XDH: variants seen among roughly 807,000 people sequenced by gnomAD.
XDH encodes xanthine dehydrogenase.
In XDH, 138 loss-of-function variants were observed where a neutral mutation model predicts 156.1. The ratio of observed to expected loss-of-function variants is 0.88; its 90% CI spans 0.77 to 1.02. The LOEUF is 1.02. XDH is among the 50% of genes least tolerant of loss of function. The probability of loss-of-function intolerance (pLI) is 0.00; values close to 1 mark genes in which losing one functional copy is unlikely to be tolerated. For missense variants in XDH, 1,849 were observed against 1,684.9 expected (o/e 1.10, Z -1.71); for synonymous variants, 669 against 625.7 (o/e 1.07, Z -1.03).
At position 31,335,840 on chromosome 2, in the gene XDH, T is replaced by G. The variant is rs543224489; in HGVS notation, c.*118A>C. 3 of 1,217,906 alleles carry G rather than the reference T, an allele frequency of 2.5e-6. No individual in the cohort carries two copies. The highest frequency in any genetic ancestry group is 2.5e-5 in the South Asian group (2 of 81,228). 75.4% of individuals were successfully genotyped at this position (1,217,906 alleles called of 1,614,324 possible). ...TTCACTTGTCTTCCAAATCCCATCT[T>G]GACAAATCACAGGTCTGTCATTCTG... On this transcript the variant is annotated 3_prime_UTR_variant, in exon 36 of 36. Coordinates refer to ENST00000379416, the MANE Select transcript of XDH (RefSeq NM_000379.4).
intron 24 of XDH, among the ~76,000 whole-genome samples, chr2:31,361,288 G>C (rs1246108428): frequency 1.3e-5 from 2 of 152,182 alleles, no homozygotes; most frequent in African/African-American, 4.8e-5. Context: ...TCTCAAAACT[G>C]TTCTATCAAA....
chr2:31,379,334 G>A (rs920846433), intron 13 of XDH, among the ~76,000 whole-genome samples: 2 of 152,196 alleles, frequency 1.3e-5, no homozygotes, highest in Admixed American at 1.3e-4. Context: ...CCTAAGGTCA[G>A]CGTATGAGGG....
rs545686434 is a variant in XDH at position 31,347,654 on chromosome 2, C to G, written c.3148-4G>C. On this transcript the variant is annotated splice_region_variant and splice_polypyrimidine_tract_variant and intron_variant, in intron 28 of 35. Transcript: ENST00000379416. ...TTTTCAGAGCTCTACTGGCCACCTG[C>G]GAAAAGAGAAGACATTGCCCTCTAG... is the stretch of plus-strand genomic sequence containing the variant. 2.5e-6 allele frequency: 4 copies of G among 1,613,172 alleles called. No homozygotes were observed. The Admixed American group carries it at 5.0e-5, about 20-fold the overall frequency.
chr2:31,348,457 C>G (rs954631095), intron 27 of XDH, 94 bp from the exon 28 acceptor site: 38 of 1,207,616 alleles, frequency 3.1e-5, no homozygotes, highest in South Asian at 2.1e-4. Flanking sequence ...AACAAGAGAA[C>G]CAGCAGCATT....
chr2:31,385,642 C>A (rs920728246), intron 9 of XDH, among the ~76,000 whole-genome samples: 1 of 152,196 alleles, frequency 6.6e-6, no homozygotes, highest in African/African-American at 2.4e-5. Context: ...GTTTAGAAAT[C>A]GACAGAGATT....
At chr2:31,406,295 G>C in intron 1 of XDH, among the ~76,000 whole-genome samples, 1 of 152,134 alleles carries the variant, frequency 6.6e-6, no homozygotes, top group East Asian at 1.9e-4. Context: ...GCCATGTGAT[G>C]TGCCTGCTCC....
intron 24 of XDH, among the ~76,000 whole-genome samples, chr2:31,353,067 T>G (rs1052123980): frequency 6.6e-6 from 1 of 151,454 alleles, no homozygotes; most frequent in African/African-American, 2.4e-5. Context: ...CATACGTAAC[T>G]ACTATGGTTA....
intron 26 of XDH, 80 bp from the exon 27 acceptor site, chr2:31,349,060 C>T: frequency 7.2e-7 from 1 of 1,386,218 alleles, no homozygotes; most frequent in South Asian, 1.2e-5. Context: ...CACATCAAAA[C>T]AGGACATCCT....
At chr2:31,350,291 C>A (rs950085675) in intron 24 of XDH, 68 bp from the exon 25 acceptor site, 5 of 1,493,646 alleles carry the variant, frequency 3.3e-6, no homozygotes, top group Non-Finnish European at 4.6e-6. Flanking sequence ...AAAGTAGGAA[C>A]TTTGAGGGCT....
intron 15 of XDH, among the ~76,000 whole-genome samples, chr2:31,374,705 T>C (rs1282745584): frequency 2.6e-5 from 4 of 152,204 alleles, no homozygotes; most frequent in Non-Finnish European, 4.4e-5. Context: ...CTCTCCACTT[T>C]GGGCTCCCTC....
intron 17 of XDH, among the ~76,000 whole-genome samples, chr2:31,371,730 G>A (rs1471647295): frequency 6.6e-6 from 1 of 151,968 alleles, no homozygotes; most frequent in African/African-American, 2.4e-5. Context: ...TTTCAGCTGT[G>A]CCTGGTTCAC....
intron 18 of XDH, among the ~76,000 whole-genome samples, chr2:31,369,423 A>T (rs1686009578): frequency 6.6e-6 from 1 of 152,256 alleles, no homozygotes; most frequent in Non-Finnish European, 1.5e-5. Flanking sequence ...GTCATCCAAC[A>T]TCCCCGAAAA....
chr2:31,403,176 C>T (rs752276106), intron 2 of XDH, 32 bp from the exon 3 acceptor site: 1 of 1,610,976 alleles, frequency 6.2e-7, no homozygotes, highest in Admixed American at 1.7e-5. Flanking sequence ...AGAATGAACT[C>T]AGGGAGAGGA....
intron 32 of XDH, 33 bp from the exon 33 acceptor site, chr2:31,341,427 A>G (rs1173874867): frequency 1.3e-6 from 2 of 1,553,312 alleles, no homozygotes; most frequent in Non-Finnish European, 8.7e-7. Context: ...AAGAAGTTAG[A>G]GGAGGAAAAG....
intron 11 of XDH, among the ~76,000 whole-genome samples, chr2:31,382,753 C>T (rs1686472620): frequency 6.6e-6 from 1 of 152,142 alleles, no homozygotes; most frequent in South Asian, 2.1e-4. Context: ...GAGTGCATTT[C>T]CCAGGGTGCC....
chr2:31,348,147 A>G, intron 28 of XDH, 121 bp downstream of exon 28: 1 of 992,102 alleles, frequency 1.0e-6, no homozygotes, highest in Non-Finnish European at 1.6e-6. Context: ...CTACACGGAC[A>G]TAAGCAACAG....
rs780681212 is a variant in XDH at position 31,349,764 on chromosome 2, G to GT, written c.2890dup (p.Thr964AsnfsTer21). 7 of 1,614,168 alleles carry GT rather than the reference G, an allele frequency of 4.3e-6. No individual in the cohort carries two copies. The Admixed American group carries it at 1.2e-4, about 27-fold the overall frequency. On this transcript the variant is annotated frameshift_variant, in exon 26 of 36. Coordinates refer to ENST00000379416, the MANE Select transcript of XDH (RefSeq NM_000379.4). LOFTEE classifies it high-confidence loss of function. ...GCATTCTTCCCAGCATCTGGGCAAG[G>GT]TGAAACCCTCAAGCTTCTGGTTGAA...
Position 31,358,518 on chromosome 2 carries a change from A to C in XDH, c.2631+5640T>G, listed in dbSNP as rs139544817. ...ATATGGATCCAAAAATCCTTAACAA[A>C]TTTTAGCAAATAAAATTTGGCAATA... On this transcript the variant is annotated intron_variant, in intron 24 of 35. Transcript: ENST00000379416. Among the ~76,000 whole-genome samples, 1,068 of 152,262 alleles carry C rather than the reference A, an allele frequency of 7.0e-3. 12 individuals carry two copies. The highest frequency in any genetic ancestry group is 0.025 in the African/African-American group (1,030 of 41,558).
At chr2:31,361,574 T>C (rs1334247308) in intron 24 of XDH, among the ~76,000 whole-genome samples, 1 of 152,056 alleles carries the variant, frequency 6.6e-6, no homozygotes, top group Non-Finnish European at 1.5e-5. Flanking sequence ...ATCTAAAACC[T>C]CTCTATCCCA....
Sources: gnomAD v4.1 joint callset for allele counts (sites outside exome capture counted in the v4.1 genomes callset) on GRCh38, gnomAD v4.1.1 for gene constraint, MANE v1.5 for transcripts, NCBI Gene and HGNC (gene_info 2026-07-23, HGNC 2026-07-21) for gene names.